PTPRT: variants seen among roughly 807,000 people sequenced by gnomAD.
PTPRT encodes the protein protein tyrosine phosphatase receptor type T, also known as receptor-type tyrosine-protein phosphatase T.
A neutral mutation model predicts 176.8 loss-of-function variants in PTPRT; 56 were observed. The observed-to-expected ratio is 0.32, with a 90% confidence interval of 0.26 to 0.40. PTPRT has a LOEUF of 0.40. Ranked by LOEUF, PTPRT falls within the 10% of genes least tolerant of loss-of-function variation. The pLI, the probability that PTPRT is intolerant of heterozygous loss-of-function variation, is 1.00. For missense variants in PTPRT, 1,540 were observed against 1,908.2 expected (o/e 0.81, Z 3.60); for synonymous variants, 783 against 739.0 (o/e 1.06, Z -0.96).
intron 19 of PTPRT, among the ~76,000 whole-genome samples, chr20:42,120,691 A>AC (rs1478920317): frequency 6.6e-6 from 1 of 151,948 alleles, no homozygotes; most frequent in Non-Finnish European, 1.5e-5. Flanking sequence ...GTTGAAGGTG[A>AC]CCCCTCTTTT....
At chr20:42,391,815 C>T (rs1444344445) in intron 9 of PTPRT, among the ~76,000 whole-genome samples, 1 of 152,190 alleles carries the variant, frequency 6.6e-6, no homozygotes, top group East Asian at 1.9e-4. Context: ...ATGCTCTGTC[C>T]TATAACTAAA....
rs208218 is a variant in PTPRT, at chr20:42,813,923, C to G, written c.215-22457G>C. 2.8e-3 allele frequency among the ~76,000 whole-genome samples: 432 copies of G among 152,210 alleles called. 5 individuals carry two copies. Among genetic ancestry groups the G allele is most frequent in the African/African-American group, 9.9e-3 (412 of 41,552 alleles). On this transcript the variant is annotated intron_variant, in intron 2 of 30. Coordinates refer to ENST00000373187, the MANE Select transcript of PTPRT (RefSeq NM_007050.6). ...AAGACAGTCCTGAAGATTTTGCTAC[C>G]ATTAGAGAAAGTTAACCTCCTCCAT...
At chr20:42,056,905 C>A in the PTPRT span, among the ~76,000 whole-genome samples, 3 of 152,078 alleles carry the variant, frequency 2.0e-5, no homozygotes, top group Non-Finnish European at 4.4e-5. Context: ...CCAAATGGAC[C>A]CTCCCCATCC....
chr20:42,862,292 C>T (rs142912509), intron 2 of PTPRT, among the ~76,000 whole-genome samples: 1 of 152,282 alleles, frequency 6.6e-6, no homozygotes, highest in African/African-American at 2.4e-5. Flanking sequence ...ATATCTGAGA[C>T]TCATCTCTAT....
chr20:42,445,255 A>T (rs1398462330), intron 9 of PTPRT, among the ~76,000 whole-genome samples: 1 of 152,200 alleles, frequency 6.6e-6, no homozygotes, highest in African/African-American at 2.4e-5. Flanking sequence ...ATTTTTATGT[A>T]ATGATAACAG....
At chr20:42,448,153 C>A in intron 9 of PTPRT, 67 bp downstream of exon 9, 1 of 1,242,288 alleles carries the variant, frequency 8.0e-7, no homozygotes, top group Non-Finnish European at 1.2e-6. Context: ...TGGGTATTCA[C>A]CAATGTCAGG....
the PTPRT span, among the ~76,000 whole-genome samples, chr20:42,049,122 T>C: frequency 6.6e-6 from 1 of 152,236 alleles, no homozygotes; most frequent in Non-Finnish European, 1.5e-5. Flanking sequence ...CACTAAGTTT[T>C]AGGTGAGTTT....
At chr20:42,214,791 C>G (rs2055729787) in intron 15 of PTPRT, among the ~76,000 whole-genome samples, 1 of 152,214 alleles carries the variant, frequency 6.6e-6, no homozygotes, top group Admixed American at 6.5e-5. Context: ...AGGCCCTCCT[C>G]CCTCTGGGTA....
At chr20:42,622,919 A>G (rs1424445062) in intron 7 of PTPRT, among the ~76,000 whole-genome samples, 1 of 152,182 alleles carries the variant, frequency 6.6e-6, no homozygotes, top group Non-Finnish European at 1.5e-5. Flanking sequence ...TTTGCATCCA[A>G]AAAGTTGCCT....
chr20:42,812,431 C>G (rs981250469), intron 2 of PTPRT, among the ~76,000 whole-genome samples: 8 of 152,082 alleles, frequency 5.3e-5, no homozygotes, highest in African/African-American at 1.9e-4. Flanking sequence ...AATCTACTTT[C>G]TATCTCTATG....
chr20:42,924,001 T>G (rs930677097), intron 1 of PTPRT, among the ~76,000 whole-genome samples: 6 of 152,162 alleles, frequency 3.9e-5, no homozygotes, highest in African/African-American at 1.2e-4. Context: ...TGTGCCACCA[T>G]GCCTGGCTAA....
intron 15 of PTPRT, among the ~76,000 whole-genome samples, chr20:42,201,317 A>C (rs1991439659): frequency 6.6e-6 from 1 of 152,032 alleles, no homozygotes; most frequent in Non-Finnish European, 1.5e-5. Context: ...AACAAACAAA[A>C]AACAGAAAAG....
rs531691426 is a variant in PTPRT at position 42,189,236 on chromosome 20, G to A, written c.2491+10004C>T. ...CCAAGCTTTTGCCCCTTCCACCTGG[G>A]TCAATCTGTTCTCTTGCACTATTTT... On this transcript the variant is annotated intron_variant, in intron 16 of 30. Coordinates refer to ENST00000373187, the MANE Select transcript of PTPRT (RefSeq NM_007050.6). 2.0e-5 allele frequency among the ~76,000 whole-genome samples: 3 copies of A among 152,098 alleles called. No homozygotes were observed. In the East Asian group the frequency reaches 5.8e-4, roughly 29 times the overall value.
chr20:42,332,844 TGATATGGTACAACAA>T (rs1216778646), intron 11 of PTPRT, among the ~76,000 whole-genome samples: 1 of 152,224 alleles, frequency 6.6e-6, no homozygotes, highest in Non-Finnish European at 1.5e-5. Context: ...TGTAATATTT[TGATATGGTACAACAA>T]GATATATAAA....
chr20:42,578,264 C>T (rs1172882140), intron 7 of PTPRT, among the ~76,000 whole-genome samples: 1 of 152,158 alleles, frequency 6.6e-6, no homozygotes, highest in Non-Finnish European at 1.5e-5. Context: ...CCAGGACACA[C>T]TCTATTATTT....
At chr20:43,163,710 G>C (rs1195535659) in intron 1 of PTPRT, among the ~76,000 whole-genome samples, 2 of 152,102 alleles carry the variant, frequency 1.3e-5, no homozygotes, top group East Asian at 3.9e-4. Flanking sequence ...ACATTATTTG[G>C]ATAGTTCCGT....
intron 7 of PTPRT, among the ~76,000 whole-genome samples, chr20:42,610,118 T>G (rs2073949131): frequency 6.6e-6 from 1 of 152,140 alleles, no homozygotes; most frequent in South Asian, 2.1e-4. Flanking sequence ...AGCGACTATT[T>G]TGCAATGTGA....
At chr20:42,945,135 T>C (rs896296644) in intron 1 of PTPRT, among the ~76,000 whole-genome samples, 1 of 149,592 alleles carries the variant, frequency 6.7e-6, no homozygotes, top group African/African-American at 2.4e-5. Context: ...TTATATATTA[T>C]GTAAAGATAA....
At chr20:42,693,527 T>A (rs2075823278) in intron 6 of PTPRT, among the ~76,000 whole-genome samples, 1 of 152,088 alleles carries the variant, frequency 6.6e-6, no homozygotes, top group African/African-American at 2.4e-5. Context: ...GAAAAACAGT[T>A]CAAGAAACAA....
Sources: gnomAD v4.1 joint callset for allele counts (sites outside exome capture counted in the v4.1 genomes callset) on GRCh38, gnomAD v4.1.1 for gene constraint, MANE v1.5 for transcripts, NCBI Gene and HGNC (gene_info 2026-07-23, HGNC 2026-07-21) for gene names.